The following OPCML variants were observed in gnomAD, a reference collection of about 807,000 sequenced individuals.
OPCML encodes opioid binding protein/cell adhesion molecule like, also known as opioid-binding protein/cell adhesion molecule.
OPCML carries 13 observed loss-of-function variants against 37.8 expected under a neutral mutation model. That is an observed-to-expected ratio of 0.34 (90% CI 0.22 to 0.55). The LOEUF (loss-of-function observed/expected upper bound fraction) is 0.55. Ranked by LOEUF, OPCML falls within the 20% of genes least tolerant of loss-of-function variation. The pLI is 0.91. For missense variants in OPCML, 341 were observed against 435.6 expected, an observed-to-expected ratio of 0.78 and a Z score of 1.93; for synonymous variants, 176 against 168.8, an observed-to-expected ratio of 1.04 and a Z score of -0.33.
At chr11:132,612,419 C>T (rs774973600) in intron 3 of OPCML, among the ~76,000 whole-genome samples, 6 of 152,124 alleles carry the variant, frequency 3.9e-5, no homozygotes, top group African/African-American at 7.2e-5. Context: ...CCAATTCTAG[C>T]TCACATTATT....
At chr11:132,881,636 AAAG>A (rs1444762222) in intron 2 of OPCML, among the ~76,000 whole-genome samples, 1 of 152,178 alleles carries the variant, frequency 6.6e-6, no homozygotes, top group Non-Finnish European at 1.5e-5. Flanking sequence ...TAATAATAAA[AAAG>A]AAAAAAAGGC....
chr11:133,007,750 T>G (rs1947139198), intron 1 of OPCML: 1 of 985,448 alleles, frequency 1.0e-6, no homozygotes, highest in Non-Finnish European at 1.2e-6. Flanking sequence ...CACAGAGTGG[T>G]GAAAAGACGC....
intron 1 of OPCML, among the ~76,000 whole-genome samples, chr11:133,087,142 T>G (rs1294832477): frequency 1.3e-5 from 2 of 152,232 alleles, no homozygotes; most frequent in South Asian, 2.1e-4. Context: ...AAGGTCACGC[T>G]GCTGGTTAGT....
At chr11:132,596,022 T>C (rs2096491919) in intron 3 of OPCML, among the ~76,000 whole-genome samples, 1 of 152,160 alleles carries the variant, frequency 6.6e-6, no homozygotes, top group African/African-American at 2.4e-5. Context: ...TGGAATCAGT[T>C]AGATCTGGAT....
chr11:133,521,986 T>G (rs1234101334), intron 1 of OPCML, among the ~76,000 whole-genome samples: 1 of 152,240 alleles, frequency 6.6e-6, no homozygotes, highest in Non-Finnish European at 1.5e-5. Context: ...TGTTCTACAT[T>G]TGTCTACAGC....
intron 1 of OPCML, among the ~76,000 whole-genome samples, chr11:133,010,339 G>A (rs2136872394): frequency 6.6e-6 from 1 of 152,312 alleles, no homozygotes; most frequent in East Asian, 1.9e-4. Context: ...TTAGATAAAT[G>A]GATAATTTGT....
chr11:132,716,162 A>C (rs1591507729), intron 2 of OPCML, among the ~76,000 whole-genome samples: 1 of 152,028 alleles, frequency 6.6e-6, no homozygotes, highest in African/African-American at 2.4e-5. Context: ...TGTGGCCTGC[A>C]CCTCCCATGT....
intron 1 of OPCML, chr11:133,365,712 A>G (rs1419517874): frequency 6.6e-6 from 1 of 152,238 alleles, no homozygotes; most frequent in African/African-American, 2.4e-5. Flanking sequence ...TCTGCTGTCT[A>G]AAGTCTGCTT....
intron 1 of OPCML, among the ~76,000 whole-genome samples, chr11:133,529,518 T>A (rs1948560320): frequency 6.6e-6 from 1 of 152,208 alleles, no homozygotes; most frequent in African/African-American, 2.4e-5. Context: ...GGTGACTGTC[T>A]TTTCCATCCC....
intron 1 of OPCML, among the ~76,000 whole-genome samples, chr11:133,463,703 G>A (rs146536104): frequency 1.4e-3 from 206 of 152,152 alleles, no homozygotes; most frequent in African/African-American, 4.8e-3. Flanking sequence ...CCTGGAATGC[G>A]CCCAACTGGG....
intron 2 of OPCML, among the ~76,000 whole-genome samples, chr11:132,715,057 GCA>G (rs893023865): frequency 5.9e-5 from 9 of 152,254 alleles, no homozygotes; most frequent in African/African-American, 1.7e-4. Context: ...GCAAGGGAGG[GCA>G]GGCAGCTCTC....
At chr11:133,062,011 T>A (rs1948351531) in intron 1 of OPCML, among the ~76,000 whole-genome samples, 1 of 152,164 alleles carries the variant, frequency 6.6e-6, no homozygotes, top group Non-Finnish European at 1.5e-5. Flanking sequence ...CAACTTTGGT[T>A]TTAGAATAAA....
At chr11:133,143,649 C>A (rs1949857097) in intron 1 of OPCML, among the ~76,000 whole-genome samples, 1 of 152,186 alleles carries the variant, frequency 6.6e-6, no homozygotes, top group Admixed American at 6.5e-5. Flanking sequence ...AGCTGGACCT[C>A]AGAGCAAACT....
chr11:132,909,037 G>C (rs574345017), intron 2 of OPCML, among the ~76,000 whole-genome samples: 1 of 151,642 alleles, frequency 6.6e-6, no homozygotes, highest in Non-Finnish European at 1.5e-5. Context: ...GAAGGGCAAG[G>C]GTGCCTCAGA....
At chr11:132,799,599 G>A (rs1938525631) in intron 2 of OPCML, among the ~76,000 whole-genome samples, 1 of 152,004 alleles carries the variant, frequency 6.6e-6, no homozygotes, top group Non-Finnish European at 1.5e-5. Flanking sequence ...AGATCCAATA[G>A]TAATGACAAA....
At chr11:132,751,490 G>A (rs1945831115) in intron 2 of OPCML, among the ~76,000 whole-genome samples, 1 of 152,200 alleles carries the variant, frequency 6.6e-6, no homozygotes, top group Admixed American at 6.5e-5. Context: ...TTGTACTGGT[G>A]GACCAGAGGC....
intron 1 of OPCML, among the ~76,000 whole-genome samples, chr11:133,516,044 G>A (rs1948263158): frequency 6.6e-6 from 1 of 152,054 alleles, no homozygotes. Context: ...GTAAGGACAG[G>A]TCTACGTGTG....
chr11:132,658,376 G>A lies in OPCML; in HGVS notation c.147-1057C>T, dbSNP rs547403918. Among the ~76,000 whole-genome samples, 3 of 152,324 alleles carry A rather than the reference G, an allele frequency of 2.0e-5. No individual in the cohort carries two copies. In the South Asian group the frequency reaches 6.2e-4, roughly 32 times the overall value. On this transcript the variant is annotated intron_variant, in intron 2 of 7. Coordinates refer to ENST00000524381, the MANE Select transcript of OPCML (RefSeq NM_001012393.5). ...GATCTGACCTAACACTTGGGTGGCA[G>A]CAGTGATCCTTCAGGCAGGTCTCAG...
At chr11:133,140,841 C>CGACGACGACGACGACGAAGAAGAA (rs1949782357) in intron 1 of OPCML, among the ~76,000 whole-genome samples, 2 of 5,910 alleles carry the variant, frequency 3.4e-4, no homozygotes, top group African/African-American at 4.9e-4. Flanking sequence ...ACGAAGAAGA[C>CGACGACGACGACGACGAAGAAGAA]GACGACGACG....
Sources: allele counts gnomAD v4.1 joint callset (sites outside exome capture counted in the v4.1 genomes callset), GRCh38; gene constraint gnomAD v4.1.1; transcripts MANE v1.5; gene names NCBI Gene and HGNC (gene_info 2026-07-23, HGNC 2026-07-21).